The following EFCC1 variants were observed in gnomAD, a reference collection of about 807,000 sequenced individuals.
EFCC1 encodes the protein EF-hand and coiled-coil domain containing 1.
Under a neutral mutation model 52.1 loss-of-function variants are expected in EFCC1, and 50 were observed. The ratio of observed to expected loss-of-function variants is 0.96; its 90% CI spans 0.76 to 1.21. EFCC1 has a LOEUF of 1.21. Ranked by LOEUF, EFCC1 falls within the 50% of genes most tolerant of loss-of-function variation. The pLI is 0.00. For missense variants in EFCC1, 837 were observed against 867.3 expected, an observed-to-expected ratio of 0.97 and a Z score of 0.44; for synonymous variants, 399 against 396.5, an observed-to-expected ratio of 1.01 and a Z score of -0.08.
At chr3:129,015,730 C>T (rs1945550518) in intron 2 of EFCC1, among the ~76,000 whole-genome samples, 1 of 149,792 alleles carries the variant, frequency 6.7e-6, no homozygotes, top group South Asian at 2.2e-4. Context: ...TGAGGACTGT[C>T]CCCCCACCCC....
chr3:129,004,758 G>C (rs1017959078), intron 2 of EFCC1, among the ~76,000 whole-genome samples: 10 of 152,090 alleles, frequency 6.6e-5, no homozygotes, highest in Admixed American at 6.6e-4. Flanking sequence ...GCCCTGTGAG[G>C]TGGGTACTGC....
At chr3:129,024,273 G>A (rs1945999892) in intron 2 of EFCC1, among the ~76,000 whole-genome samples, 1 of 152,140 alleles carries the variant, frequency 6.6e-6, no homozygotes, top group Admixed American at 6.5e-5. Context: ...GCTCACACCT[G>A]TAATCCCAGC....
In EFCC1 at chr3:129,002,329, G is replaced by A. The variant is rs2107846961; in HGVS notation, c.696+5G>A. On this transcript the variant is annotated splice_donor_5th_base_variant and intron_variant, in intron 1 of 7. Coordinates refer to ENST00000683648, the MANE Select transcript of EFCC1 (RefSeq NM_001377500.1). Reference sequence around the variant, plus strand: ...GCGCGCTGCCTAGCACTGCAGGTGCGCGCCGGCCACGAAGGGAGGGTGGTA... The same window carrying A: ...GCGCGCTGCCTAGCACTGCAGGTGCACGCCGGCCACGAAGGGAGGGTGGTA... The A allele has an allele frequency of 1.3e-6, 2 of 1,512,620 alleles. No homozygotes were observed. Among genetic ancestry groups the A allele is most frequent in the Non-Finnish European group, 8.8e-7 (1 of 1,137,854 alleles). The allele number at this position is 1,512,620 out of a possible 1,614,324, so 93.7% of individuals were successfully genotyped here. A position where few individuals can be genotyped will look rare whatever the true frequency, so the allele number is the denominator to read the frequency against.
intron 3 of EFCC1, 85 bp from the exon 4 acceptor site, chr3:129,032,734 G>A: frequency 1.3e-6 from 2 of 1,489,588 alleles, no homozygotes; most frequent in South Asian, 2.6e-5. Context: ...CCCTCCCCTG[G>A]GGCTGCGCTG....
At chr3:129,022,842 G>T (rs1199217903) in intron 2 of EFCC1, among the ~76,000 whole-genome samples, 1 of 152,252 alleles carries the variant, frequency 6.6e-6, no homozygotes, top group Non-Finnish European at 1.5e-5. Flanking sequence ...GCAGGCAGGG[G>T]TGAATGTGGG....
chr3:129,028,215 C>T (rs1324695537), intron 2 of EFCC1, among the ~76,000 whole-genome samples: 1 of 151,674 alleles, frequency 6.6e-6, no homozygotes, highest in Non-Finnish European at 1.5e-5. Context: ...TCCTGAGTAG[C>T]TGGGATTACA....
chr3:129,007,621 C>T (rs1418670141), intron 2 of EFCC1, among the ~76,000 whole-genome samples: 5 of 152,196 alleles, frequency 3.3e-5, no homozygotes, highest in African/African-American at 7.2e-5. Context: ...GGTATTATGT[C>T]GGATGTTTCA....
chr3:129,036,059 T>C (rs1946349435), intron 5 of EFCC1, among the ~76,000 whole-genome samples: 1 of 152,240 alleles, frequency 6.6e-6, no homozygotes, highest in Non-Finnish European at 1.5e-5. Context: ...GCCTTGATCT[T>C]GCCTGCCCAG....
At chr3:129,034,131 C>T (rs751857150) in intron 4 of EFCC1, 33 bp from the exon 5 acceptor site, 4 of 1,613,162 alleles carry the variant, frequency 2.5e-6, no homozygotes, top group African/African-American at 2.7e-5. Flanking sequence ...GGGAAGCAGC[C>T]CCCTGCAATG....
rs1946403299 is a variant in EFCC1 at position 129,039,908 on chromosome 3, A to G, written c.*60A>G. On this transcript the variant is annotated 3_prime_UTR_variant, in exon 8 of 8. Transcript: ENST00000683648. ...CCTGACTGCCTTTGGACCAGCCTCC[A>G]TGATCAGCCCAACCACTGACAGCTG... 3.3e-6 allele frequency: 5 copies of G among 1,529,108 alleles called. No individual in the cohort carries two copies. The highest frequency in any genetic ancestry group is 4.4e-6 in the Non-Finnish European group (5 of 1,132,914). The allele number at this position is 1,529,108 out of a possible 1,614,324, so 94.7% of individuals were successfully genotyped here.
At chr3:129,013,136 G>A (rs1945404397) in intron 2 of EFCC1, among the ~76,000 whole-genome samples, 1 of 152,176 alleles carries the variant, frequency 6.6e-6, no homozygotes, top group African/African-American at 2.4e-5. Flanking sequence ...ACATGGTTCT[G>A]CAGACCCAAG....
intron 1 of EFCC1, 156 bp downstream of exon 1, chr3:129,002,480 GC>G (rs1394050318): frequency 1.7e-5 from 23 of 1,345,330 alleles, no homozygotes; most frequent in Non-Finnish European, 2.1e-5. Context: ...CTTGCATCTT[GC>G]CCCTGTTCCT....
In EFCC1 at chr3:129,034,204, G is replaced by A. The variant is rs1291780468; in HGVS notation, c.1327G>A (p.Gly443Ser). Residue 443 changes from glycine to serine, a missense_variant, in exon 5 of 8, where the codon GGT (glycine) becomes AGT (serine). Gly to Ser is a moderately conservative substitution (Grantham distance 56, BLOSUM62 0). Coordinates refer to ENST00000683648, the MANE Select transcript of EFCC1 (RefSeq NM_001377500.1). ...QTAEKLMTYFGHFGGANHAHT... is the reference protein window; with the variant it reads ...QTAEKLMTYFSHFGGANHAHT... ...GGCGGAGAAGCTCATGACTTACTTTGGTCACTTCGGCGGTGCCAACCATGC... is the reference window on the plus strand; with the variant it reads ...GGCGGAGAAGCTCATGACTTACTTTAGTCACTTCGGCGGTGCCAACCATGC... 6.2e-7 allele frequency: 1 copy of A among 1,614,232 alleles called. No homozygotes were observed. The highest frequency in any genetic ancestry group is 1.7e-5 in the Admixed American group (1 of 60,032).
intron 2 of EFCC1, among the ~76,000 whole-genome samples, chr3:129,026,919 T>A (rs138551883): frequency 3.3e-5 from 5 of 152,200 alleles, no homozygotes; most frequent in Non-Finnish European, 5.9e-5. Context: ...ATCAGAGTCA[T>A]GGGCTCAAAA....
rs1305919258 is a variant in EFCC1 at position 129,010,883 on chromosome 3, C to T, written c.980+6806C>T. 2.0e-5 allele frequency among the ~76,000 whole-genome samples: 3 copies of T among 152,208 alleles called. No individual in the cohort carries two copies. Among genetic ancestry groups the T allele is most frequent in the Non-Finnish European group, 4.4e-5 (3 of 68,036 alleles). On this transcript the variant is annotated intron_variant, in intron 2 of 7. Coordinates refer to ENST00000683648, the MANE Select transcript of EFCC1 (RefSeq NM_001377500.1). This position sits in a 1 kb window ranked among gnomAD's most constrained non-coding sequence, Gnocchi z 4.3. ...GCATGCCCCAGGCCCTCAGGATGCA[C>T]AGGGGGCTTGGTGGGTGGGGGCCTA...
chr3:129,002,185 C>A lies in EFCC1; in HGVS notation c.557C>A (p.Pro186His), dbSNP rs1257156370. Reference sequence around the variant, plus strand: ...CGTCCGCGCCGCCGCCGCCGCCCGCCCTGCGCGCCTGGCCCCGACAGCGGT... The same window carrying A: ...CGTCCGCGCCGCCGCCGCCGCCCGCACTGCGCGCCTGGCCCCGACAGCGGT... ...LRRPRRRRRP[P>H]CAPGPDSGPD... The change falls in exon 1 of 8, where the codon CCC becomes CAC. Residue 186 changes from proline (P) to histidine (H), a missense_variant. Pro to His is a moderately conservative substitution (Grantham distance 77, BLOSUM62 -2). Transcript: ENST00000683648. 4 of 1,495,376 alleles carry A rather than the reference C, an allele frequency of 2.7e-6. No individual in the cohort carries two copies. The African/African-American group carries it at 4.4e-5, about 16-fold the overall frequency. 92.6% of individuals were successfully genotyped at this position (1,495,376 alleles called of 1,614,324 possible).
At chr3:129,008,737 G>A (rs116643356) in intron 2 of EFCC1, among the ~76,000 whole-genome samples, 1 of 152,262 alleles carries the variant, frequency 6.6e-6, no homozygotes, top group African/African-American at 2.4e-5. Flanking sequence ...AGCCTCCCAG[G>A]TGTCAAAAGG....
chr3:129,030,445 GT>G (rs35284019), intron 2 of EFCC1: 80 of 315,714 alleles, frequency 2.5e-4, no homozygotes, highest in Middle Eastern at 1.7e-3. Context: ...TTTCCTAGAG[GT>G]TTTTTTTTAT....
Position 129,030,766 on chromosome 3 carries a change from T to C in EFCC1, c.1044T>C (p.Asn348=). 2 of 1,551,506 alleles carry C rather than the reference T, an allele frequency of 1.3e-6. No homozygotes were observed. The highest frequency in any genetic ancestry group is 1.7e-6 in the Non-Finnish European group (2 of 1,146,922). Reference sequence around the variant, plus strand: ...ACCCAGAGCCAGGAGACAAGAGTAATGAACCTGAAGATGCTGGGACCAGAG... The same window carrying C: ...ACCCAGAGCCAGGAGACAAGAGTAACGAACCTGAAGATGCTGGGACCAGAG... ...LANPEPGDKS[N]EPEDAGTRDP... Residue 348 remains asparagine, a synonymous_variant, in exon 3 of 8, where the codon AAT becomes AAC. Coordinates refer to ENST00000683648, the MANE Select transcript of EFCC1 (RefSeq NM_001377500.1).
Sources: gnomAD v4.1 joint callset for allele counts (sites outside exome capture counted in the v4.1 genomes callset) on GRCh38, gnomAD v4.1.1 for gene constraint, Gnocchi (gnomAD v3.1) non-coding constraint, MANE v1.5 for transcripts, NCBI Gene and HGNC (gene_info 2026-07-23, HGNC 2026-07-21) for gene names.